Variants in AP3B2 observed in about 807,000 individuals in gnomAD.
AP3B2 encodes the protein adaptor related protein complex 3 subunit beta 2, also known as AP-3 complex subunit beta-2.
AP3B2 carries 50 observed loss-of-function variants against 126.9 expected under a neutral mutation model. The observed-to-expected ratio is 0.39, with a 90% CI of 0.31 to 0.50. AP3B2 has a LOEUF of 0.50. Among genes scored for constraint, AP3B2 ranks in the 20% least tolerant of loss-of-function variants. The probability of loss-of-function intolerance (pLI) is 0.79; values close to 1 mark genes in which losing one functional copy is unlikely to be tolerated. For missense variants in AP3B2, 1,177 were observed against 1,426.4 expected (o/e 0.83, Z 2.82); for synonymous variants, 541 against 565.0 (o/e 0.96, Z 0.60).
Position 82,679,764 on chromosome 15 carries a change from T to C in AP3B2, c.1147A>G (p.Arg383Gly). The change falls in exon 10 of 27, where the codon AGG becomes GGG. Residue 383 changes from arginine to glycine, a missense_variant. By Grantham distance (125) the Arg-to-Gly change is moderately radical. Transcript: ENST00000535359. ...TTAATCTGGGTGGGGTCGGTGGACC[T>C]GATGTAGAAGCTCTTCAGGTAGGGC... Reference protein sequence around the residue: ...FEPYLKSFYIRSTDPTQIKIL... With the variant: ...FEPYLKSFYIGSTDPTQIKIL... 6.2e-7 allele frequency: 1 copy of C among 1,613,830 alleles called. No individual in the cohort carries two copies. The highest frequency in any genetic ancestry group is 1.6e-4 in the Middle Eastern group (1 of 6,062).
Position 82,681,066 on chromosome 15 carries a change from C to T in AP3B2, c.588+46G>A, listed in dbSNP as rs2048331516. ...GAGGGTGAACGCGAAGGGTGGAAGG[C>T]CGGCTGCCGGTCACCACCCCTCCCG... On this transcript the variant is annotated intron_variant, in intron 6 of 26. Transcript: ENST00000535359. This position sits in a 1 kb window ranked among gnomAD's most constrained non-coding sequence, Gnocchi z 4.0. 6.2e-7 allele frequency: 1 copy of T among 1,613,400 alleles called. No homozygotes were observed.
At position 82,663,237 on chromosome 15, in the gene AP3B2, T is replaced by G. The variant is rs750903897; in HGVS notation, c.2498-4A>C. On this transcript the variant is annotated splice_region_variant and splice_polypyrimidine_tract_variant and intron_variant, in intron 21 of 26. Coordinates refer to ENST00000535359, the MANE Select transcript of AP3B2 (RefSeq NM_001278512.2). ...GGCTGGACACTGGGAGGGGTGACTG[T>G]GGGAGTAGATAAGACTATGAGGAGG... is the stretch of plus-strand genomic sequence containing the variant. 3.1e-6 allele frequency: 5 copies of G among 1,608,932 alleles called. No individual in the cohort carries two copies. Among genetic ancestry groups the G allele is most frequent in the Non-Finnish European group, 4.2e-6 (5 of 1,176,824 alleles).
intron 1 of AP3B2, among the ~76,000 whole-genome samples, chr15:82,691,071 C>T (rs2048523424): frequency 6.6e-6 from 1 of 152,126 alleles, no homozygotes; most frequent in Admixed American, 6.5e-5. Flanking sequence ...AATAAACATA[C>T]GTGTGCATGT....
At chr15:82,697,290 C>T (rs11639010) in intron 1 of AP3B2, among the ~76,000 whole-genome samples, 30,406 of 151,764 alleles carry the variant, frequency 0.2, 3,692 homozygotes, top group South Asian at 0.34. Context: ...GCCAAGATCG[C>T]GCCACTGCAC....
rs1296938179 is a variant in AP3B2, at chr15:82,662,149, C to T, written c.2918+19G>A. ...TTTCCAGCCCATCCTCTCACCCCCACCTCGAGTTGGGCACATACCACAGCT... is the reference window on the plus strand; with the variant it reads ...TTTCCAGCCCATCCTCTCACCCCCATCTCGAGTTGGGCACATACCACAGCT... On this transcript the variant is annotated intron_variant, in intron 24 of 26. Transcript: ENST00000535359. 1.3e-6 allele frequency: 2 copies of T among 1,583,022 alleles called. No homozygotes were observed. The highest frequency in any genetic ancestry group is 1.7e-6 in the Non-Finnish European group (2 of 1,162,590).
intron 1 of AP3B2, among the ~76,000 whole-genome samples, chr15:82,707,370 T>C (rs1400564818): frequency 2.0e-5 from 3 of 152,236 alleles, no homozygotes. Flanking sequence ...TTCAAGCTCC[T>C]GTATAGATGC....
In AP3B2 at chr15:82,693,924, C is replaced by T. The variant is rs2151454750; in HGVS notation, c.114-4471G>A. Among the ~76,000 whole-genome samples the T allele has an allele frequency of 2.0e-5, 3 of 152,292 alleles. No individual in the cohort carries two copies. The South Asian group carries it at 6.2e-4, about 32-fold the overall frequency. ...CCATGTTGGTCAGGCTGGTCTCAAA[C>T]TCCCGACCTCAGTTGATCCGCCCAC... On this transcript the variant is annotated intron_variant, in intron 1 of 26. Transcript: ENST00000535359.
In AP3B2 at chr15:82,663,162, C is replaced by G. The variant is rs767461367; in HGVS notation, c.2569G>C (p.Gly857Arg). ...VSTSLAADLEGLTLTDSTLVP... is the reference protein window; with the variant it reads ...VSTSLAADLERLTLTDSTLVP... ...AGGGTGGAGTCTGTGAGTGTCAGGCCCTCCAGGTCAGCAGCCAGACTGGTA... is the reference window on the plus strand; with the variant it reads ...AGGGTGGAGTCTGTGAGTGTCAGGCGCTCCAGGTCAGCAGCCAGACTGGTA... Residue 857 changes from glycine to arginine, a missense_variant, in exon 22 of 27, where the codon GGC becomes CGC. Around this residue, in one of 5 missense-constraint regions of AP3B2, gnomAD observed 587 missense variants for 571.3 expected, o/e 1.03. Transcript: ENST00000535359. 1.2e-6 allele frequency: 2 copies of G among 1,612,432 alleles called. No homozygotes were observed. Among genetic ancestry groups the G allele is most frequent in the Non-Finnish European group, 8.5e-7 (1 of 1,179,674 alleles).
chr15:82,675,389 A>C (rs1277568170), intron 14 of AP3B2, among the ~76,000 whole-genome samples: 1 of 152,198 alleles, frequency 6.6e-6, no homozygotes, highest in African/African-American at 2.4e-5. Flanking sequence ...CCTCACCTTG[A>C]GCCTCTGGGG....
rs558339904 is a variant in AP3B2, at chr15:82,689,191, C to T, written c.231G>A (p.Ala77=). Residue 77 remains alanine, a synonymous_variant, in exon 3 of 27, where the codon GCG becomes GCA. Transcript: ENST00000535359. ...RGKNASDLFP[A]VVKNVACKNI... ...TCTTACAGGCCACGTTCTTCACCAC[C>T]GCGGGAAACAGGTCTGAAGCATTCT... 311 of 1,614,030 alleles carry T rather than the reference C, an allele frequency of 1.9e-4. 2 individuals are homozygous for T. The South Asian group carries it at 2.5e-3, about 13-fold the overall frequency.
intron 1 of AP3B2, chr15:82,697,800 G>C (rs1209367242): frequency 8.9e-6 from 1 of 112,150 alleles, no homozygotes; most frequent in Non-Finnish European, 2.1e-5. Flanking sequence ...CCAAATCAGA[G>C]GACACCTTCT....
intron 1 of AP3B2, among the ~76,000 whole-genome samples, chr15:82,700,102 T>C (rs2048695274): frequency 6.6e-6 from 1 of 151,886 alleles, no homozygotes; most frequent in Non-Finnish European, 1.5e-5. Context: ...GTCAGTGGAG[T>C]TGATAGAGAG....
At chr15:82,698,133 C>T (rs534481742) in intron 1 of AP3B2, among the ~76,000 whole-genome samples, 1 of 152,024 alleles carries the variant, frequency 6.6e-6, no homozygotes, top group Admixed American at 6.6e-5. Context: ...GACATACCTA[C>T]ACCTCACGGA....
At position 82,681,707 on chromosome 15, in the gene AP3B2, C is replaced by A; in HGVS notation, c.361-127G>T. 2.8e-6 allele frequency: 3 copies of A among 1,078,440 alleles called. No homozygotes were observed. The South Asian group carries it at 4.8e-5, about 17-fold the overall frequency. 66.8% of individuals were successfully genotyped at this position (1,078,440 alleles called of 1,614,324 possible). The stretch of plus-strand genomic sequence containing the variant: ...TTGCTTCCCTGCCGCTTGACTGGAG[C>A]CTGGATGGTGTGCCAGTGATGGGTA... On this transcript the variant is annotated intron_variant, in intron 4 of 26. Transcript: ENST00000535359. The surrounding 1 kb of genome is among the most constrained non-coding windows in gnomAD (Gnocchi z 4.0).
At chr15:82,676,968 T>C (rs1212897275) in intron 13 of AP3B2, among the ~76,000 whole-genome samples, 1 of 152,226 alleles carries the variant, frequency 6.6e-6, no homozygotes, top group African/African-American at 2.4e-5. Flanking sequence ...ATGCCTTGTT[T>C]AGATGTTTCA....
chr15:82,672,444 A>G (rs951733131), intron 14 of AP3B2, among the ~76,000 whole-genome samples: 1 of 152,170 alleles, frequency 6.6e-6, no homozygotes, highest in African/African-American at 2.4e-5. Context: ...GAGTAGAATA[A>G]TGGTTACCAG....
chr15:82,669,753 G>C (rs35734713), intron 14 of AP3B2, among the ~76,000 whole-genome samples: 30,094 of 150,814 alleles, frequency 0.2, 3,635 homozygotes, highest in South Asian at 0.34. Flanking sequence ...ATCCTAGCAA[G>C]CACTTTGGGA....
In AP3B2 at chr15:82,666,976, G is replaced by C. The variant is rs1027823584; in HGVS notation, c.1666-43C>G. On this transcript the variant is annotated intron_variant, in intron 14 of 26. Coordinates refer to ENST00000535359, the MANE Select transcript of AP3B2 (RefSeq NM_001278512.2). ...GGTGGGTCAGCTGACGGGGGGATGG[G>C]GACACAGGAGGCTCAGAAACAGATT... is the stretch of plus-strand genomic sequence containing the variant. 4 of 1,566,624 alleles carry C rather than the reference G, an allele frequency of 2.6e-6. No homozygotes were observed. In the African/African-American group the frequency reaches 5.4e-5, roughly 21 times the overall value.
rs967387572 is a variant in AP3B2, at chr15:82,664,734, ACACC to A, written c.2137+97_2137+100del. On this transcript the variant is annotated intron_variant, in intron 18 of 26. Coordinates refer to ENST00000535359, the MANE Select transcript of AP3B2 (RefSeq NM_001278512.2). The surrounding 1 kb of genome is among the most constrained non-coding windows in gnomAD (Gnocchi z 4.5). ...GCACAAACAATTCACAAGCAGGTGC[ACACC>A]CCTAGACACACAACCATATACATAT... The A allele has an allele frequency of 5.0e-6, 5 of 1,001,814 alleles. No individual in the cohort carries two copies. Among genetic ancestry groups the A allele is most frequent in the Non-Finnish European group, 7.4e-6 (5 of 678,658 alleles). The allele number at this position is 1,001,814 out of a possible 1,614,324, so 62.1% of individuals were successfully genotyped here.
Sources: gnomAD v4.1 joint callset for allele counts (sites outside exome capture counted in the v4.1 genomes callset) on GRCh38, gnomAD v4.1.1 for gene constraint, gnomAD v4.1.1 regional missense constraint, Gnocchi (gnomAD v3.1) non-coding constraint, MANE v1.5 for transcripts, NCBI Gene and HGNC (gene_info 2026-07-23, HGNC 2026-07-21) for gene names.